The following LRCH1 variants were observed in gnomAD, a reference collection of about 807,000 sequenced individuals.
LRCH1 encodes the protein leucine-rich repeat and calponin homology domain-containing protein 1.
A neutral mutation model predicts 94.9 loss-of-function variants in LRCH1; 23 were observed. The ratio of observed to expected loss-of-function variants is 0.24; its 90% confidence interval spans 0.17 to 0.34. The LOEUF (loss-of-function observed/expected upper bound fraction) is 0.34, where lower values mean the gene tolerates loss of function less well. Among genes scored for constraint, LRCH1 ranks in the 10% least tolerant of loss-of-function variants. The pLI is 1.00. For synonymous variants in LRCH1, 364 were observed against 354.9 expected, an observed-to-expected ratio of 1.03 and a Z score of -0.29; for missense variants, 790 against 945.9, an observed-to-expected ratio of 0.84 and a Z score of 2.16.
At chr13:46,567,838 T>C (rs2050201344) in intron 1 of LRCH1, among the ~76,000 whole-genome samples, 1 of 152,196 alleles carries the variant, frequency 6.6e-6, no homozygotes, top group South Asian at 2.1e-4. Flanking sequence ...TATCTCAATA[T>C]GAAATTTGCA....
intron 3 of LRCH1, among the ~76,000 whole-genome samples, chr13:46,669,409 G>A (rs2051567359): frequency 6.6e-6 from 1 of 152,136 alleles, no homozygotes; most frequent in South Asian, 2.1e-4. Flanking sequence ...CGTTTTTGAA[G>A]TTTATGGGCT....
At chr13:46,630,244 G>A (rs2051002314) in intron 1 of LRCH1, among the ~76,000 whole-genome samples, 1 of 152,192 alleles carries the variant, frequency 6.6e-6, no homozygotes, top group Admixed American at 6.5e-5. Context: ...TAATCAGTGG[G>A]TGGAACAGCA....
intron 19 of LRCH1, 125 bp downstream of exon 19, chr13:46,734,123 T>C: frequency 2.2e-6 from 1 of 453,588 alleles, no homozygotes. Context: ...TCTTGAGAAA[T>C]AATATTGAAT....
At chr13:46,577,555 G>T (rs911950372) in intron 1 of LRCH1, among the ~76,000 whole-genome samples, 68 of 152,322 alleles carry the variant, frequency 4.5e-4, no homozygotes, top group African/African-American at 1.6e-3. Flanking sequence ...TACTCAAAAG[G>T]TGGTAGGTTA....
chr13:46,679,456 G>A (rs933817970), intron 3 of LRCH1, among the ~76,000 whole-genome samples: 17 of 152,316 alleles, frequency 1.1e-4, no homozygotes, highest in East Asian at 3.9e-4. Flanking sequence ...AAATACATTC[G>A]GAAAGGCAGG....
chr13:46,668,844 A>G (rs1281435067), intron 2 of LRCH1, among the ~76,000 whole-genome samples, 186 bp from the exon 3 acceptor site: 1 of 152,126 alleles, frequency 6.6e-6, no homozygotes, highest in Admixed American at 6.5e-5. Flanking sequence ...TAAAAAAAGA[A>G]AAACATATTT....
intron 1 of LRCH1, among the ~76,000 whole-genome samples, chr13:46,643,354 A>G (rs986747304): frequency 6.6e-6 from 1 of 152,184 alleles, no homozygotes; most frequent in Non-Finnish European, 1.5e-5. Context: ...GAATGCTCAT[A>G]TCTCTCTGTG....
intron 2 of LRCH1, among the ~76,000 whole-genome samples, chr13:46,652,143 C>T (rs1345440810): frequency 1.3e-5 from 2 of 149,172 alleles, no homozygotes; most frequent in Admixed American, 6.7e-5. Context: ...GTGGCGCGAT[C>T]TCGGCTCACT....
chr13:46,635,692 C>T (rs866116496), intron 1 of LRCH1, among the ~76,000 whole-genome samples: 26 of 151,856 alleles, frequency 1.7e-4, no homozygotes, highest in Admixed American at 1.6e-3. Flanking sequence ...AGGATGGTCT[C>T]GATCTCCTGA....
intron 19 of LRCH1, among the ~76,000 whole-genome samples, chr13:46,741,069 C>T (rs1873629379): frequency 6.6e-6 from 1 of 152,050 alleles, no homozygotes; most frequent in Admixed American, 6.6e-5. Context: ...AATGTACTTT[C>T]TGACACATGT....
At chr13:46,651,601 C>G (rs1427856313) in intron 2 of LRCH1, among the ~76,000 whole-genome samples, 2 of 148,480 alleles carry the variant, frequency 1.3e-5, no homozygotes, top group Admixed American at 6.7e-5. Flanking sequence ...GCAGAGGTTG[C>G]GGTGAGCCAA....
At chr13:46,656,058 T>C (rs541809960) in intron 2 of LRCH1, among the ~76,000 whole-genome samples, 8 of 152,186 alleles carry the variant, frequency 5.3e-5, no homozygotes, top group African/African-American at 1.7e-4. Context: ...GGCATTCTTT[T>C]CGGCTGCTGA....
chr13:46,564,499 G>C (rs1264288178), intron 1 of LRCH1, among the ~76,000 whole-genome samples: 1 of 152,148 alleles, frequency 6.6e-6, no homozygotes, highest in Non-Finnish European at 1.5e-5. Flanking sequence ...TTCCGGCCAG[G>C]GGTCGGAGGT....
intron 17 of LRCH1, among the ~76,000 whole-genome samples, chr13:46,727,730 T>C (rs1332101324): frequency 1.3e-5 from 2 of 152,102 alleles, no homozygotes; most frequent in Non-Finnish European, 2.9e-5. Context: ...ATCCTGGTTG[T>C]TTTGAAAGTT....
chr13:46,650,025 G>T (rs903098727), intron 1 of LRCH1, among the ~76,000 whole-genome samples, 176 bp from the exon 2 acceptor site: 1 of 151,990 alleles, frequency 6.6e-6, no homozygotes, highest in African/African-American at 2.4e-5. Flanking sequence ...CCAGAATTTG[G>T]CAAGGAAATA....
chr13:46,643,514 G>A (rs1012837570), intron 1 of LRCH1, among the ~76,000 whole-genome samples: 5 of 152,038 alleles, frequency 3.3e-5, no homozygotes, highest in African/African-American at 9.7e-5. Flanking sequence ...GAACATGTAC[G>A]TATATCTTTC....
intron 1 of LRCH1, among the ~76,000 whole-genome samples, chr13:46,635,695 T>C (rs1235851587): frequency 6.6e-6 from 1 of 151,754 alleles, no homozygotes; most frequent in Non-Finnish European, 1.5e-5. Context: ...ATGGTCTCGA[T>C]CTCCTGACCT....
chr13:46,674,931 C>A (rs1319867777), intron 3 of LRCH1, among the ~76,000 whole-genome samples: 1 of 152,166 alleles, frequency 6.6e-6, no homozygotes, highest in African/African-American at 2.4e-5. Flanking sequence ...TGTGATTTTT[C>A]TCCTTGGAGT....
intron 1 of LRCH1, among the ~76,000 whole-genome samples, chr13:46,583,006 T>C (rs2050390829): frequency 2.0e-5 from 3 of 152,136 alleles, no homozygotes. Context: ...GAAAAATGTG[T>C]TCCCAAGAAA....
Sources: allele counts gnomAD v4.1 joint callset (sites outside exome capture counted in the v4.1 genomes callset), GRCh38; gene constraint gnomAD v4.1.1; transcripts MANE v1.5; gene names NCBI Gene and HGNC (gene_info 2026-07-23, HGNC 2026-07-21).